Variants in SMC4 observed in about 807,000 individuals in gnomAD.
SMC4 encodes the protein structural maintenance of chromosomes protein 4.
In SMC4, 87 loss-of-function variants were observed where a neutral mutation model predicts 145.6. The ratio of observed to expected loss-of-function variants is 0.60; its 90% confidence interval spans 0.50 to 0.71. SMC4 has a LOEUF of 0.71. SMC4 is among the 30% of genes least tolerant of loss of function. The pLI, the probability that SMC4 is intolerant of heterozygous loss-of-function variation, is 0.00. For missense variants in SMC4, 1,447 were observed against 1,537.1 expected (o/e 0.94, Z 0.98); for synonymous variants, 558 against 500.7 (o/e 1.11, Z -1.53).
intron 7 of SMC4, 81 bp from the exon 8 acceptor site, chr3:160,413,392 A>G: frequency 3.0e-6 from 4 of 1,335,086 alleles, no homozygotes; most frequent in South Asian, 1.3e-5. Flanking sequence ...AGAAACAGTT[A>G]GTTTTACTAA....
chr3:160,408,457 T>C (rs1180519291), intron 5 of SMC4, among the ~76,000 whole-genome samples: 2 of 152,236 alleles, frequency 1.3e-5, no homozygotes, highest in Non-Finnish European at 2.9e-5. Flanking sequence ...TTGTTTCATA[T>C]GCTTTAAGAT....
intron 5 of SMC4, among the ~76,000 whole-genome samples, chr3:160,406,326 CAG>C (rs1715323249): frequency 6.6e-6 from 1 of 152,024 alleles, no homozygotes; most frequent in African/African-American, 2.4e-5. Flanking sequence ...GAATAAGAAA[CAG>C]GGATTGGACT....
Position 160,433,769 on chromosome 3 carries a change from C to T in SMC4, c.3827C>T (p.Ala1276Val). Residue 1276 changes from alanine to valine, a missense_variant, in exon 24 of 24, where the codon GCT (alanine) becomes GTT (valine). Ala to Val is a moderately conservative substitution (Grantham distance 64, BLOSUM62 0). Coordinates refer to ENST00000357388, the MANE Select transcript of SMC4 (RefSeq NM_001002800.3). ...YKTYNITKSVAVNPKEIASKG... is the reference protein window; with the variant it reads ...YKTYNITKSVVVNPKEIASKG... ...ACATACAACATAACAAAAAGTGTTG[C>T]TGTAAATCCAAAAGAAATTGCATCT... 1 of 1,602,170 alleles carries T rather than the reference C, an allele frequency of 6.2e-7. No individual in the cohort carries two copies. Among genetic ancestry groups the T allele is most frequent in the Non-Finnish European group, 8.5e-7 (1 of 1,175,730 alleles).
rs755609939 is a variant in SMC4, at chr3:160,430,756, T to C, written c.2940+13T>C. 3 of 1,604,748 alleles carry C rather than the reference T, an allele frequency of 1.9e-6. No homozygotes were observed. In the Admixed American group the frequency reaches 5.2e-5, roughly 28 times the overall value. The stretch of plus-strand genomic sequence containing the variant: ...AAATGCTGCAGAGGTATGAGTTGCT[T>C]TGTATTGAAGAGGAGATGGGATGAT... On this transcript the variant is annotated intron_variant, in intron 19 of 23. Coordinates refer to ENST00000357388, the MANE Select transcript of SMC4 (RefSeq NM_001002800.3).
chr3:160,401,075 G>A (rs1318866512), intron 2 of SMC4, 110 bp downstream of exon 2: 16 of 1,289,366 alleles, frequency 1.2e-5, no homozygotes, highest in Middle Eastern at 2.8e-4. Flanking sequence ...ACATCTGAAG[G>A]TCCGGTGTCG....
At chr3:160,429,000 G>T in intron 18 of SMC4, 58 bp downstream of exon 18, 1 of 1,358,138 alleles carries the variant, frequency 7.4e-7, no homozygotes. Context: ...ACATTGGAAA[G>T]GGGGTTACTA....
intron 9 of SMC4, among the ~76,000 whole-genome samples, chr3:160,415,847 T>G (rs893046162): frequency 2.0e-5 from 3 of 152,188 alleles, no homozygotes; most frequent in Admixed American, 6.5e-5. Context: ...TTGTGAAAGA[T>G]TTTAGGGTTG....
At chr3:160,419,575 CTTTTTT>C (rs142795307) in intron 12 of SMC4, 32 bp downstream of exon 12, 2 of 1,317,814 alleles carry the variant, frequency 1.5e-6, no homozygotes, top group Non-Finnish European at 2.0e-6. Context: ...CATGGCTTTA[CTTTTTT>C]TTTTTAAGAA....
At chr3:160,421,221 A>G (rs1717142689) in intron 13 of SMC4, among the ~76,000 whole-genome samples, 1 of 151,700 alleles carries the variant, frequency 6.6e-6, no homozygotes, top group Non-Finnish European at 1.5e-5. Flanking sequence ...GAGCCACCAC[A>G]CCCAGCCCTA....
chr3:160,402,504 G>A (rs1177741200), intron 3 of SMC4, among the ~76,000 whole-genome samples, 172 bp from the exon 4 acceptor site: 1 of 152,144 alleles, frequency 6.6e-6, no homozygotes, highest in African/African-American at 2.4e-5. Flanking sequence ...TTTTAAGAGA[G>A]AACTTGATGT....
At chr3:160,400,701 C>T (rs1576927306) in intron 1 of SMC4, 121 bp from the exon 2 acceptor site, 1 of 1,246,858 alleles carries the variant, frequency 8.0e-7, no homozygotes, top group South Asian at 1.8e-5. Flanking sequence ...AGTCCCGCTG[C>T]CTCTAAGCGG....
chr3:160,406,827 A>G (rs980570855), intron 5 of SMC4, among the ~76,000 whole-genome samples: 2 of 152,208 alleles, frequency 1.3e-5, no homozygotes, highest in Non-Finnish European at 2.9e-5. Flanking sequence ...TTGAATTCCT[A>G]TTAAGGCACT....
chr3:160,431,756 T>G lies in SMC4; in HGVS notation c.3228T>G (p.Ile1076Met). The part of the protein sequence containing the change: ...IKNPDSITNQ[I>M]ALLEARCHEM... ...ATCCAGATTCTATAACAAATCAAAT[T>G]GCACTTTTGGAAGCCCGGTGTCATG... The change falls in exon 21 of 24, where the codon ATT (isoleucine) becomes ATG (methionine). Residue 1076 changes from isoleucine to methionine, a missense_variant. Transcript: ENST00000357388. The G allele has an allele frequency of 6.2e-7, 1 of 1,613,852 alleles. No homozygotes were observed. Among genetic ancestry groups the G allele is most frequent in the Non-Finnish European group, 8.5e-7 (1 of 1,179,964 alleles).
intron 17 of SMC4, among the ~76,000 whole-genome samples, chr3:160,428,337 GAGAACTGCGA>G (rs1361776259): frequency 6.6e-6 from 1 of 152,202 alleles, no homozygotes; most frequent in Non-Finnish European, 1.5e-5. Flanking sequence ...TTTTAATGTG[GAGAACTGCGA>G]AGTTATGTTA....
At chr3:160,413,428 C>T (rs1337502724) in intron 7 of SMC4, 45 bp from the exon 8 acceptor site, 5 of 1,546,604 alleles carry the variant, frequency 3.2e-6, no homozygotes, top group Non-Finnish European at 4.3e-6. Flanking sequence ...TTGGAAATGG[C>T]ATTTTAGGAG....
At chr3:160,403,161 A>C (rs1381023163) in intron 4 of SMC4, among the ~76,000 whole-genome samples, 1 of 152,166 alleles carries the variant, frequency 6.6e-6, no homozygotes, top group African/African-American at 2.4e-5. Context: ...ATAAATATTC[A>C]GTTCATTTTT....
intron 16 of SMC4, 111 bp downstream of exon 16, chr3:160,425,130 G>A: frequency 7.2e-7 from 1 of 1,398,164 alleles, no homozygotes; most frequent in South Asian, 1.5e-5. Flanking sequence ...AATATATAAG[G>A]GAGGGAGGAT....
rs780420415 is a variant in SMC4 at position 160,402,075 on chromosome 3, T to G, written c.300T>G (p.Ile100Met). Residue 100 changes from isoleucine to methionine, a missense_variant, in exon 3 of 24, where the codon ATT becomes ATG. Physicochemically the swap from Ile to Met is conservative, Grantham distance 10. Transcript: ENST00000357388. ...TCAAATCCTATGCTGGGGAGAAAAT[T>G]CTGGGACCTTTCCATAAGGTATTTG... ...QNFKSYAGEK[I>M]LGPFHKRFSC... 6 of 1,545,992 alleles carry G rather than the reference T, an allele frequency of 3.9e-6. No homozygotes were observed. The highest frequency in any genetic ancestry group is 4.3e-6 in the Non-Finnish European group (5 of 1,155,722).
At position 160,419,450 on chromosome 3, in the gene SMC4, C is replaced by T. The variant is rs535751611; in HGVS notation, c.1764C>T (p.Ser588=). 3.7e-6 allele frequency: 6 copies of T among 1,612,026 alleles called. No homozygotes were observed. In the South Asian group the frequency reaches 5.5e-5, roughly 15 times the overall value. Residue 588 remains serine, a synonymous_variant, in exon 12 of 24, where the codon AGC becomes AGT. Transcript: ENST00000357388. ...DLFQKVEEAK[S]SLAMNRSRGK... is the part of the protein sequence containing the mutation. The stretch of plus-strand genomic sequence containing the variant: ...TTCAAAAAGTTGAAGAAGCAAAGAG[C>T]TCATTAGCAATGAATCGAAGTAGGG...
Sources: gnomAD v4.1 joint callset for allele counts (sites outside exome capture counted in the v4.1 genomes callset) on GRCh38, gnomAD v4.1.1 for gene constraint, MANE v1.5 for transcripts, NCBI Gene and HGNC (gene_info 2026-07-23, HGNC 2026-07-21) for gene names.